The following UGT1A6 variants were observed in gnomAD, a reference collection of about 807,000 sequenced individuals.
UGT1A6 encodes the protein UDP-glucuronosyltransferase 1A6.
UGT1A6 carries 32 observed loss-of-function variants against 44.4 expected under a neutral mutation model. The ratio of observed to expected loss-of-function variants is 0.72; its 90% CI spans 0.54 to 0.97. The LOEUF (loss-of-function observed/expected upper bound fraction) is 0.97, where lower values mean the gene tolerates loss of function less well. Ranked by LOEUF, UGT1A6 falls within the 50% of genes least tolerant of loss-of-function variation. The pLI, the probability that UGT1A6 is intolerant of heterozygous loss-of-function variation, is 0.00. For synonymous variants in UGT1A6, 238 were observed against 248.5 expected (o/e 0.96, Z 0.40); for missense variants, 685 against 661.9 (o/e 1.03, Z -0.38).
chr2:233,729,232 A>T, intron 1 of UGT1A6: 1 of 1,614,202 alleles, frequency 6.2e-7, no homozygotes, highest in African/African-American at 1.3e-5. Flanking sequence ...GGTGGTGCCC[A>T]TTGATGGCAG....
At chr2:233,738,562 T>A (rs1039423006) in intron 1 of UGT1A6, among the ~76,000 whole-genome samples, 1 of 152,186 alleles carries the variant, frequency 6.6e-6, no homozygotes, top group Admixed American at 6.5e-5. Context: ...AGATGAGGAA[T>A]CTGTTGAGAA....
chr2:233,729,614 A>G, intron 1 of UGT1A6: 1 of 1,614,008 alleles, frequency 6.2e-7, no homozygotes, highest in Non-Finnish European at 8.5e-7. Flanking sequence ...GTGCTGGCTA[A>G]GTACCTGTCG....
At chr2:233,725,024 G>A (rs1241696904) in intron 1 of UGT1A6, among the ~76,000 whole-genome samples, 4 of 148,280 alleles carry the variant, frequency 2.7e-5, no homozygotes, top group Admixed American at 6.7e-5. Flanking sequence ...AGCAAAACCC[G>A]GTCTCCACCA....
intron 1 of UGT1A6, among the ~76,000 whole-genome samples, chr2:233,701,797 G>A (rs981416770): frequency 2.0e-5 from 3 of 152,060 alleles, no homozygotes. Flanking sequence ...TGAAATCAAC[G>A]AGAACAAAGA....
At chr2:233,747,186 C>G (rs1693584588) in intron 1 of UGT1A6, 2 of 1,602,976 alleles carry the variant, frequency 1.2e-6, no homozygotes, top group Non-Finnish European at 1.7e-6. Flanking sequence ...GTGGGGTGGA[C>G]AGTCAGCTGT....
intron 1 of UGT1A6, among the ~76,000 whole-genome samples, chr2:233,733,906 G>A (rs576095795): frequency 6.6e-6 from 1 of 152,124 alleles, no homozygotes; most frequent in South Asian, 2.1e-4. Context: ...GTACCTCTCT[G>A]GTAGAATTCG....
upstream of UGT1A6, among the ~76,000 whole-genome samples, chr2:233,692,622 A>G (rs2075106076): frequency 6.6e-6 from 1 of 152,216 alleles, no homozygotes. Context: ...CATCATGGAC[A>G]TAACAGACAA....
intron 1 of UGT1A6, among the ~76,000 whole-genome samples, chr2:233,744,523 C>A (rs2125863777): frequency 6.6e-6 from 1 of 152,020 alleles, no homozygotes; most frequent in Non-Finnish European, 1.5e-5. Context: ...AATAGCAAAT[C>A]TTATTTTTAT....
chr2:233,772,895 C>T lies in UGT1A6; in HGVS notation c.*336C>T. 1 of 493,846 alleles carries T rather than the reference C, an allele frequency of 2.0e-6. No homozygotes were observed. The highest frequency in any genetic ancestry group is 3.3e-6 in the Non-Finnish European group (1 of 304,584). 30.6% of individuals were successfully genotyped at this position (493,846 alleles called of 1,614,324 possible). A position where few individuals can be genotyped will look rare whatever the true frequency, so the allele number is the denominator to read the frequency against. ...GGAGTGCGGGATTCAAAGGTGGTCC[C>T]ACGGCTGCCCCTACTGCAAATGGCA... On this transcript the variant is annotated 3_prime_UTR_variant, in exon 5 of 5. Transcript: ENST00000305139.
rs28898618 is a variant in UGT1A6, at chr2:233,729,359, C to T, written c.861+35494C>T. ...AAAGAAGAGAACTTTTTCACCCTGA[C>T]AACCTATGCCATTTCGTGGACCCAG... is the stretch of plus-strand genomic sequence containing the variant. On this transcript the variant is annotated intron_variant, in intron 1 of 4. Transcript: ENST00000305139. 8.4e-4 allele frequency: 1,362 copies of T among 1,614,128 alleles called. 14 individuals are homozygous for T. The African/African-American group carries it at 0.016, about 19-fold the overall frequency.
rs900393425 is a variant in UGT1A6 at position 233,715,048 on chromosome 2, C to CT, written c.861+21192dup. 1.6e-3 allele frequency among the ~76,000 whole-genome samples: 238 copies of CT among 151,030 alleles called. 1 individual carries two copies. The highest frequency in any genetic ancestry group is 5.1e-3 in the African/African-American group (208 of 41,174). On this transcript the variant is annotated intron_variant, in intron 1 of 4. Coordinates refer to ENST00000305139, the MANE Select transcript of UGT1A6 (RefSeq NM_001072.4). ...CATGGCACCACATCCAGCTAATTTT[C>CT]TTTTTTTTTGTATTTTTTATGGAGA...
At position 233,768,158 on chromosome 2, in the gene UGT1A6, A is replaced by AGAACCTAGG. The variant is rs1559415093; in HGVS notation, c.1082-62_1082-61insGAACCTAGG. The AGAACCTAGG allele has an allele frequency of 1.9e-6, 3 of 1,613,074 alleles. No homozygotes were observed. In the African/African-American group the frequency reaches 4.0e-5, roughly 22 times the overall value. On this transcript the variant is annotated intron_variant, in intron 3 of 4. Transcript: ENST00000305139. ...TCTTTGGAGTGTTTTCAGAACCTAGATGTGTCCAGCTGTGAAACTCAGAGA... is the reference window on the plus strand; with the variant it reads ...TCTTTGGAGTGTTTTCAGAACCTAGAGAACCTAGGTGTGTCCAGCTGTGAAACTCAGAGA...
At chr2:233,728,129 G>A (rs554109385) in intron 1 of UGT1A6, among the ~76,000 whole-genome samples, 1 of 152,318 alleles carries the variant, frequency 6.6e-6, no homozygotes, top group South Asian at 2.1e-4. Context: ...ATTTGGACTA[G>A]GGCCCCCACA....
chr2:233,729,874 A>C (rs1272831634), intron 1 of UGT1A6: 1 of 1,613,832 alleles, frequency 6.2e-7, no homozygotes, highest in Non-Finnish European at 8.5e-7. Flanking sequence ...GGATATTCTC[A>C]GTCATGCATC....
At chr2:233,741,320 T>C (rs968198595) in intron 1 of UGT1A6, among the ~76,000 whole-genome samples, 12 of 151,906 alleles carry the variant, frequency 7.9e-5, no homozygotes, top group African/African-American at 2.9e-4. Flanking sequence ...CAACTCATTC[T>C]ACTCTACCCA....
Position 233,743,622 on chromosome 2 carries a change from C to T in UGT1A6, c.862-23412C>T, listed in dbSNP as rs146398257. On this transcript the variant is annotated intron_variant, in intron 1 of 4. Coordinates refer to ENST00000305139, the MANE Select transcript of UGT1A6 (RefSeq NM_001072.4). ...TGGCCGCCGAAGAACTCCCTGAAGACGTCGGCTGGGTCGCGGAAGCTGAAG... is the reference window on the plus strand; with the variant it reads ...TGGCCGCCGAAGAACTCCCTGAAGATGTCGGCTGGGTCGCGGAAGCTGAAG... 1.1e-3 allele frequency: 1,535 copies of T among 1,367,328 alleles called. 50 individuals are homozygous for T. In the African/African-American group the frequency reaches 0.021, roughly 19 times the overall value. 84.7% of individuals were successfully genotyped at this position (1,367,328 alleles called of 1,614,324 possible). A position where few individuals can be genotyped will look rare whatever the true frequency, so the allele number is the denominator to read the frequency against.
chr2:233,732,553 T>TAAATAAGGA (rs1454535423), intron 1 of UGT1A6, among the ~76,000 whole-genome samples: 6 of 152,230 alleles, frequency 3.9e-5, no homozygotes, highest in African/African-American at 1.4e-4. Context: ...CACCATTTAT[T>TAAATAAGGA]AAATAAGGAA....
At chr2:233,742,932 T>A in intron 1 of UGT1A6, 1 of 195,120 alleles carries the variant, frequency 5.1e-6, no homozygotes. Flanking sequence ...CTGAACATTC[T>A]GTCCTACCAC....
chr2:233,747,481 A>T, intron 1 of UGT1A6: 1 of 1,608,962 alleles, frequency 6.2e-7, no homozygotes, highest in South Asian at 1.1e-5. Flanking sequence ...GATGAATTTG[A>T]TCGCCTTGTG....
Sources: gnomAD v4.1 joint callset for allele counts (sites outside exome capture counted in the v4.1 genomes callset) on GRCh38, gnomAD v4.1.1 for gene constraint, MANE v1.5 for transcripts, NCBI Gene and HGNC (gene_info 2026-07-23, HGNC 2026-07-21) for gene names.